The following FMN2 variants were observed in gnomAD, a reference collection of about 807,000 sequenced individuals.
The protein encoded by FMN2 is formin-2.
FMN2 carries 51 observed loss-of-function variants against 142.3 expected under a neutral mutation model. The ratio of observed to expected loss-of-function variants is 0.36; its 90% CI spans 0.29 to 0.45. FMN2 has a LOEUF of 0.45. Among genes scored for constraint, FMN2 ranks in the 20% least tolerant of loss-of-function variants. FMN2 has a pLI of 1.00. For missense variants in FMN2, 1,936 were observed against 2,122.8 expected (o/e 0.91, Z 1.73); for synonymous variants, 882 against 869.8 (o/e 1.01, Z -0.25).
intron 4 of FMN2, among the ~76,000 whole-genome samples, chr1:240,188,815 T>G (rs1665587009): frequency 6.6e-6 from 1 of 152,190 alleles, no homozygotes; most frequent in Non-Finnish European, 1.5e-5. Flanking sequence ...GGACTTACAC[T>G]TCCACATGGC....
chr1:240,249,199 C>T (rs968855444), intron 6 of FMN2, among the ~76,000 whole-genome samples: 2 of 151,978 alleles, frequency 1.3e-5, no homozygotes, highest in Admixed American at 6.6e-5. Flanking sequence ...AGTATTTTCC[C>T]TCTGTTTACT....
At chr1:240,341,986 G>A (rs1671760171) in intron 13 of FMN2, among the ~76,000 whole-genome samples, 1 of 152,112 alleles carries the variant, frequency 6.6e-6, no homozygotes, top group African/African-American at 2.4e-5. Context: ...TTACCACTCT[G>A]GGTTTCCAGT....
At chr1:240,246,846 A>G (rs1280315382) in intron 6 of FMN2, among the ~76,000 whole-genome samples, 1 of 152,184 alleles carries the variant, frequency 6.6e-6, no homozygotes, top group African/African-American at 2.4e-5. Flanking sequence ...TTCTGATTAT[A>G]AGTTCTAATT....
At chr1:240,130,009 C>A (rs1048281278) in intron 2 of FMN2, among the ~76,000 whole-genome samples, 5 of 151,900 alleles carry the variant, frequency 3.3e-5, no homozygotes, top group Non-Finnish European at 5.9e-5. Context: ...CTCTTGCCAC[C>A]CCACTCACCG....
At chr1:240,157,396 A>G (rs767389888) in intron 2 of FMN2, among the ~76,000 whole-genome samples, 1 of 152,232 alleles carries the variant, frequency 6.6e-6, no homozygotes, top group South Asian at 2.1e-4. Context: ...TCCTTGAAAT[A>G]TCAGTCACTG....
At chr1:240,349,887 A>T (rs942530635) in intron 13 of FMN2, among the ~76,000 whole-genome samples, 2 of 151,946 alleles carry the variant, frequency 1.3e-5, no homozygotes, top group African/African-American at 4.8e-5. Flanking sequence ...CAGGAACTCT[A>T]TCTTTGTTCT....
intron 1 of FMN2, among the ~76,000 whole-genome samples, chr1:240,103,210 G>A (rs192814486): frequency 6.4e-4 from 98 of 152,306 alleles, no homozygotes; most frequent in African/African-American, 2.3e-3. Context: ...AGACTCATTT[G>A]ACTCTAAATT....
chr1:240,410,084 T>C lies in FMN2; in HGVS notation c.4910+17522T>C, dbSNP rs551023115. The stretch of plus-strand genomic sequence containing the variant: ...AACATTTGATGCAAAATAAATTTAG[T>C]GAAGTTAATTAAAAGATGTACAGCA... On this transcript the variant is annotated intron_variant, in intron 15 of 17. Coordinates refer to ENST00000319653, the MANE Select transcript of FMN2 (RefSeq NM_020066.5). Among the ~76,000 whole-genome samples, 23 of 151,898 alleles carry C rather than the reference T, an allele frequency of 1.5e-4. No individual in the cohort carries two copies. The South Asian group carries it at 3.9e-3, about 26-fold the overall frequency.
chr1:240,236,663 A>C (rs948618922), intron 6 of FMN2, among the ~76,000 whole-genome samples: 14 of 152,144 alleles, frequency 9.2e-5, no homozygotes, highest in Admixed American at 7.2e-4. Context: ...AAGCAAGAGA[A>C]AGAGGAGGAA....
intron 15 of FMN2, among the ~76,000 whole-genome samples, chr1:240,436,136 C>T (rs1334583325): frequency 2.0e-5 from 3 of 152,130 alleles, no homozygotes; most frequent in Non-Finnish European, 2.9e-5. Flanking sequence ...CAACACATTC[C>T]GCCAGGTGCA....
chr1:240,242,049 G>T (rs1393906576), intron 6 of FMN2, among the ~76,000 whole-genome samples: 1 of 151,964 alleles, frequency 6.6e-6, no homozygotes, highest in Non-Finnish European at 1.5e-5. Flanking sequence ...GTTTCACCGT[G>T]TTAGCCAGGA....
rs74666345 is a variant in FMN2 at position 240,468,918 on chromosome 1, C to T, written c.5061-3454C>T. On this transcript the variant is annotated intron_variant, in intron 16 of 17. Coordinates refer to ENST00000319653, the MANE Select transcript of FMN2 (RefSeq NM_020066.5). ...TTTCTGCCAACTCTGGCAACATAGT[C>T]GACCTCCAGGGACACATTCTTTTTT... 1.1e-3 allele frequency among the ~76,000 whole-genome samples: 161 copies of T among 152,294 alleles called. 1 individual carries two copies. The highest frequency in any genetic ancestry group is 3.7e-3 in the Admixed American group (56 of 15,294).
At chr1:240,442,966 A>T (rs1675678340) in intron 16 of FMN2, among the ~76,000 whole-genome samples, 4 of 152,262 alleles carry the variant, frequency 2.6e-5, no homozygotes, top group African/African-American at 9.6e-5. Context: ...TATCATGTAG[A>T]CTAAATGACA....
chr1:240,332,962 A>G (rs1671429333), intron 11 of FMN2, among the ~76,000 whole-genome samples: 1 of 152,204 alleles, frequency 6.6e-6, no homozygotes, highest in Non-Finnish European at 1.5e-5. Flanking sequence ...AATGAGGGAT[A>G]TCTCTAATAG....
At chr1:240,426,552 T>C (rs1462663561) in intron 15 of FMN2, among the ~76,000 whole-genome samples, 1 of 152,160 alleles carries the variant, frequency 6.6e-6, no homozygotes, top group Non-Finnish European at 1.5e-5. Flanking sequence ...GTGAACAGAA[T>C]AGTACAGTGA....
chr1:240,329,591 T>C, intron 10 of FMN2, 123 bp downstream of exon 10: 3 of 1,299,160 alleles, frequency 2.3e-6, no homozygotes, highest in South Asian at 1.5e-5. Context: ...AGGATCGCAG[T>C]CCCACAGAAG....
intron 2 of FMN2, among the ~76,000 whole-genome samples, chr1:240,168,720 A>G (rs773865899): frequency 3.3e-5 from 5 of 152,226 alleles, no homozygotes; most frequent in African/African-American, 4.8e-5. Context: ...AAAAGGTGCT[A>G]TTTTAGTGAA....
intron 15 of FMN2, among the ~76,000 whole-genome samples, chr1:240,398,922 A>T (rs1673879687): frequency 6.6e-6 from 1 of 152,216 alleles, no homozygotes; most frequent in Non-Finnish European, 1.5e-5. Context: ...TGGTAGAATT[A>T]GAAACCAGAG....
chr1:240,343,381 C>A (rs576020549), intron 13 of FMN2, among the ~76,000 whole-genome samples: 1 of 152,302 alleles, frequency 6.6e-6, no homozygotes, highest in East Asian at 1.9e-4. Context: ...ATAGTGCAAG[C>A]TGAGGCTGGA....
Sources: allele counts gnomAD v4.1 joint callset (sites outside exome capture counted in the v4.1 genomes callset), GRCh38; gene constraint gnomAD v4.1.1; transcripts MANE v1.5; gene names NCBI Gene and HGNC (gene_info 2026-07-23, HGNC 2026-07-21).